The following STARD3NL variants were observed in gnomAD, a reference collection of about 807,000 sequenced individuals.
STARD3NL encodes the protein STARD3 N-terminal like.
STARD3NL carries 17 observed loss-of-function variants against 30.9 expected under a neutral mutation model. The ratio of observed to expected loss-of-function variants is 0.55; its 90% CI spans 0.38 to 0.82. STARD3NL has a LOEUF of 0.82. STARD3NL is among the 40% of genes least tolerant of loss of function. The pLI is 0.00. For synonymous variants in STARD3NL, 112 were observed against 100.5 expected (o/e 1.11, Z -0.69); for missense variants, 234 against 277.6 (o/e 0.84, Z 1.12).
chr7:38,190,395 A>G (rs910717949), intron 1 of STARD3NL, among the ~76,000 whole-genome samples: 1 of 152,180 alleles, frequency 6.6e-6, no homozygotes. Context: ...TGGCACATAC[A>G]TATGCTACAT....
chr7:38,217,576 C>T (rs1199583480), intron 6 of STARD3NL, among the ~76,000 whole-genome samples: 4 of 152,286 alleles, frequency 2.6e-5, no homozygotes, highest in Middle Eastern at 3.4e-3. Context: ...CAAGCAATAA[C>T]AAAAAATAGC....
At position 38,219,602 on chromosome 7, in the gene STARD3NL, A is replaced by G; in HGVS notation, c.591A>G (p.Ala197=). 6.2e-7 allele frequency: 1 copy of G among 1,613,080 alleles called. No individual in the cohort carries two copies. The highest frequency in any genetic ancestry group is 8.5e-7 in the Non-Finnish European group (1 of 1,179,190). The change falls in exon 7 of 9, where the codon GCA becomes GCG. Residue 197 remains alanine (A), a synonymous_variant. Coordinates refer to ENST00000009041, the MANE Select transcript of STARD3NL (RefSeq NM_032016.4). ...LIVQDASERA[A]LIPGGLSDGQ... ...TTCAGGATGCTTCAGAGAGGGCAGCACTTATACCTGGTGGTCTTTCTGATG... is the reference window on the plus strand; with the variant it reads ...TTCAGGATGCTTCAGAGAGGGCAGCGCTTATACCTGGTGGTCTTTCTGATG...
At chr7:38,218,785 G>A (rs138819776) in intron 6 of STARD3NL, among the ~76,000 whole-genome samples, 25 of 152,220 alleles carry the variant, frequency 1.6e-4, no homozygotes, top group East Asian at 9.6e-4. Context: ...AGCTGTCCAC[G>A]TCCTGCTTTC....
intron 6 of STARD3NL, 70 bp downstream of exon 6, chr7:38,217,375 C>T: frequency 6.8e-7 from 1 of 1,475,382 alleles, no homozygotes; most frequent in East Asian, 2.3e-5. Context: ...GATGTGGTTT[C>T]TTGGTGTGAA....
intron 1 of STARD3NL, chr7:38,198,076 G>C (rs770130158): frequency 2.0e-5 from 3 of 152,242 alleles, no homozygotes; most frequent in Non-Finnish European, 2.9e-5. Context: ...TCCCATGACT[G>C]TATTTCGCAC....
At chr7:38,226,152 G>GTT (rs11286474) in intron 7 of STARD3NL, among the ~76,000 whole-genome samples, 3,699 of 101,896 alleles carry the variant, frequency 0.036, 242 homozygotes, top group African/African-American at 0.14. Flanking sequence ...TGCCTATCTT[G>GTT]TTTTTTTTTT....
intron 1 of STARD3NL, among the ~76,000 whole-genome samples, chr7:38,197,508 T>A (rs1208630617): frequency 6.6e-6 from 1 of 152,190 alleles, no homozygotes; most frequent in Middle Eastern, 3.2e-3. Context: ...CAGCCACTTG[T>A]TTCTTTTTTT....
chr7:38,209,670 C>CT (rs1270317633), intron 2 of STARD3NL, among the ~76,000 whole-genome samples: 1 of 152,186 alleles, frequency 6.6e-6, no homozygotes, highest in African/African-American at 2.4e-5. Flanking sequence ...CAAGTCCGGG[C>CT]ATTCATTGCT....
intron 2 of STARD3NL, among the ~76,000 whole-genome samples, chr7:38,211,619 A>G (rs10254082): frequency 0.23 from 34,756 of 152,072 alleles, 4,005 homozygotes; most frequent in Middle Eastern, 0.26. Context: ...ATTTACTGCA[A>G]TGGTGAGCTG....
intron 1 of STARD3NL, among the ~76,000 whole-genome samples, chr7:38,196,961 G>A (rs1353622624): frequency 6.6e-6 from 1 of 152,190 alleles, no homozygotes; most frequent in Non-Finnish European, 1.5e-5. Flanking sequence ...TGGGCAGTTC[G>A]CCAAAGAAAG....
chr7:38,214,446 TTA>T lies in STARD3NL; in HGVS notation c.303+14_303+15del, dbSNP rs903721642. 7 of 1,536,730 alleles carry T rather than the reference TTA, an allele frequency of 4.6e-6. No homozygotes were observed. Among genetic ancestry groups the T allele is most frequent in the Non-Finnish European group, 6.3e-6 (7 of 1,115,026 alleles). ...ATTTTGATATATTTGTAAGTATTTT[TTA>T]TGTTTCATTTCAGATGTGATAAAAC... On this transcript the variant is annotated intron_variant, in intron 3 of 8. Coordinates refer to ENST00000009041, the MANE Select transcript of STARD3NL (RefSeq NM_032016.4).
chr7:38,196,838 A>T (rs902817179), intron 1 of STARD3NL, among the ~76,000 whole-genome samples: 2 of 152,174 alleles, frequency 1.3e-5, no homozygotes, highest in Non-Finnish European at 2.9e-5. Context: ...TAAAATTGGG[A>T]CTACTGGATT....
chr7:38,204,596 A>T (rs1785353628), intron 1 of STARD3NL, among the ~76,000 whole-genome samples: 1 of 152,204 alleles, frequency 6.6e-6, no homozygotes, highest in Admixed American at 6.5e-5. Context: ...AAGAGCAAAC[A>T]CATTCAAAAG....
At chr7:38,210,666 G>A (rs1198783895) in intron 2 of STARD3NL, among the ~76,000 whole-genome samples, 2 of 152,158 alleles carry the variant, frequency 1.3e-5, no homozygotes, top group Non-Finnish European at 2.9e-5. Context: ...TGCGTTCCCT[G>A]AGGACTCTTT....
chr7:38,214,994 T>A (rs749190339), intron 3 of STARD3NL, 34 bp from the exon 4 acceptor site: 28 of 1,586,486 alleles, frequency 1.8e-5, no homozygotes, highest in African/African-American at 5.4e-5. Context: ...TTGTATATAT[T>A]TTTTAAAACA....
At chr7:38,205,014 AG>A (rs1410938635) in intron 1 of STARD3NL, among the ~76,000 whole-genome samples, 6 of 152,360 alleles carry the variant, frequency 3.9e-5, no homozygotes, top group South Asian at 4.1e-4. Flanking sequence ...AACCAAAAAA[AG>A]TCCAGGACTA....
In STARD3NL at chr7:38,205,417, A is replaced by C. The variant is rs371023953; in HGVS notation, c.-58-2030A>C. Among the ~76,000 whole-genome samples the C allele has an allele frequency of 9.2e-5, 14 of 152,272 alleles. 1 individual carries two copies. The East Asian group carries it at 2.3e-3, about 25-fold the overall frequency. ...TTCTGAACATACTGTGTCTGTGTGT[A>C]TTCCATTTAGTATTTGATTTTTAAT... On this transcript the variant is annotated intron_variant, in intron 1 of 8. Transcript: ENST00000009041.
chr7:38,193,330 G>A (rs991186362), intron 1 of STARD3NL, among the ~76,000 whole-genome samples: 1 of 152,016 alleles, frequency 6.6e-6, no homozygotes, highest in East Asian at 1.9e-4. Flanking sequence ...ATGGAGTCTC[G>A]CTCTGTCGCT....
intron 8 of STARD3NL, among the ~76,000 whole-genome samples, chr7:38,229,722 C>T (rs1341333964): frequency 1.3e-5 from 2 of 152,176 alleles, no homozygotes; most frequent in African/African-American, 4.8e-5. Context: ...AGACGCGAAG[C>T]AAAAATGTGG....
Sources: allele counts gnomAD v4.1 joint callset (sites outside exome capture counted in the v4.1 genomes callset), GRCh38; gene constraint gnomAD v4.1.1; transcripts MANE v1.5; gene names NCBI Gene and HGNC (gene_info 2026-07-23, HGNC 2026-07-21).